TOM1L1: variants seen among roughly 807,000 people sequenced by gnomAD.
TOM1L1 encodes the protein target of myb1 like 1 membrane trafficking protein.
In TOM1L1, 64 loss-of-function variants were observed where a neutral mutation model predicts 63.4. The ratio of observed to expected loss-of-function variants is 1.01; its 90% CI spans 0.83 to 1.24. TOM1L1 has a LOEUF of 1.24. Among genes scored for constraint, TOM1L1 ranks in the 50% most tolerant of loss-of-function variants. TOM1L1 has a pLI of 0.00. For missense variants in TOM1L1, 536 were observed against 567.0 expected (o/e 0.95, Z 0.55); for synonymous variants, 166 against 194.4 (o/e 0.85, Z 1.22).
chr17:54,943,441 GGTGTGTGTGT>G (rs10694555), intron 11 of TOM1L1, among the ~76,000 whole-genome samples: 2,050 of 134,434 alleles, frequency 0.015, 47 homozygotes, highest in African/African-American at 0.053. Flanking sequence ...TTTGTATAAT[GGTGTGTGTGT>G]GTGTGTGTGT....
chr17:54,905,433 A>T, intron 2 of TOM1L1, 56 bp from the exon 3 acceptor site: 1 of 1,187,878 alleles, frequency 8.4e-7, no homozygotes, highest in Non-Finnish European at 1.2e-6. Flanking sequence ...TTTCAGAGAG[A>T]CTGCTTGTTT....
chr17:54,906,142 C>A (rs1226798586), intron 3 of TOM1L1, among the ~76,000 whole-genome samples: 1 of 151,692 alleles, frequency 6.6e-6, no homozygotes, highest in African/African-American at 2.4e-5. Flanking sequence ...TGCAACTCAG[C>A]CTGAGTGATA....
At chr17:54,939,696 A>G (rs1038966685) in intron 11 of TOM1L1, among the ~76,000 whole-genome samples, 1 of 152,096 alleles carries the variant, frequency 6.6e-6, no homozygotes, top group Non-Finnish European at 1.5e-5. Flanking sequence ...AGCTGGGACT[A>G]CAGGTGTGCG....
intron 8 of TOM1L1, among the ~76,000 whole-genome samples, chr17:54,933,904 A>T (rs1378428831): frequency 1.3e-5 from 2 of 152,214 alleles, no homozygotes; most frequent in East Asian, 3.8e-4. Flanking sequence ...CCATCTAGAA[A>T]GGTGGGACAA....
intron 7 of TOM1L1, among the ~76,000 whole-genome samples, chr17:54,925,294 A>T (rs2048749837): frequency 6.6e-6 from 1 of 152,224 alleles, no homozygotes; most frequent in African/African-American, 2.4e-5. Flanking sequence ...GCAGACTTGA[A>T]AGCAGGGGTG....
In TOM1L1 at chr17:54,949,627, C is replaced by T. The variant is rs946784027; in HGVS notation, c.1288+4C>T. The T allele has an allele frequency of 1.9e-6, 3 of 1,605,292 alleles. No homozygotes were observed. Among genetic ancestry groups the T allele is most frequent in the Non-Finnish European group, 2.6e-6 (3 of 1,172,044 alleles). On this transcript the variant is annotated splice_donor_region_variant and intron_variant, in intron 13 of 15. Coordinates refer to ENST00000575882, the MANE Select transcript of TOM1L1 (RefSeq NM_005486.3). ...CCTTTGCCCAGCAATCATCCAGGTA[C>T]ATGGGACCTTATTATTCGCATCAAA...
chr17:54,917,493 T>C (rs1412733115), intron 7 of TOM1L1: 1 of 152,200 alleles, frequency 6.6e-6, no homozygotes, highest in Non-Finnish European at 1.5e-5. Flanking sequence ...AATATGTACA[T>C]AATTTTAAAA....
Position 54,938,969 on chromosome 17 carries a change from G to C in TOM1L1, c.1079G>C (p.Ser360Thr). Residue 360 changes from serine to threonine, a missense_variant, in exon 11 of 16, where the codon AGT becomes ACT. Physicochemically the swap from Ser to Thr is moderately conservative, Grantham distance 58. Coordinates refer to ENST00000575882, the MANE Select transcript of TOM1L1 (RefSeq NM_005486.3). ...SSDVTNNLKP[S>T]LHPQMNLLAL... ...GATGTAACAAACAACTTAAAACCCA[G>C]TCTTCATCCACAGATGAACTTGCTA... 1 of 1,612,822 alleles carries C rather than the reference G, an allele frequency of 6.2e-7. No homozygotes were observed. The highest frequency in any genetic ancestry group is 8.5e-7 in the Non-Finnish European group (1 of 1,179,418).
At chr17:54,912,905 A>T (rs1377859580) in intron 4 of TOM1L1, 90 bp downstream of exon 4, 1 of 1,144,132 alleles carries the variant, frequency 8.7e-7, no homozygotes, top group South Asian at 2.9e-5. Flanking sequence ...TATCTTTTAT[A>T]TATCTAGGAT....
intron 8 of TOM1L1, among the ~76,000 whole-genome samples, chr17:54,931,101 A>G (rs1266560541): frequency 1.3e-5 from 2 of 152,074 alleles, no homozygotes; most frequent in South Asian, 4.1e-4. Context: ...TTCTGTTGAG[A>G]ATTACTGGGA....
intron 1 of TOM1L1, 36 bp from the exon 2 acceptor site, chr17:54,903,672 T>G (rs1196313448): frequency 6.4e-7 from 1 of 1,569,794 alleles, no homozygotes; most frequent in Middle Eastern, 1.7e-4. Context: ...TTTTTTATTC[T>G]GTTGTAGCTC....
rs747060155 is a variant in TOM1L1, at chr17:54,903,771, T to C, written c.122T>C (p.Ile41Thr). 3.1e-6 allele frequency: 5 copies of C among 1,614,088 alleles called. No homozygotes were observed. The highest frequency in any genetic ancestry group is 4.2e-6 in the Non-Finnish European group (5 of 1,180,018). Reference protein sequence around the residue: ...DWGQFMHICDIINTTQDGPKD... With the variant: ...DWGQFMHICDTINTTQDGPKD... The stretch of plus-strand genomic sequence containing the variant: ...GGCCAGTTCATGCACATCTGTGACA[T>C]AATTAACACTACCCAGGATGGGTGA... The change falls in exon 2 of 16, where the codon ATA becomes ACA. Residue 41 changes from isoleucine (I) to threonine (T), a missense_variant. By Grantham distance (89) the Ile-to-Thr change is moderately conservative. Coordinates refer to ENST00000575882, the MANE Select transcript of TOM1L1 (RefSeq NM_005486.3).
intron 1 of TOM1L1, 133 bp from the exon 2 acceptor site, chr17:54,903,575 A>C: frequency 1.3e-6 from 1 of 765,108 alleles, no homozygotes. Context: ...GAACTGTTCC[A>C]AAAAAAATCA....
At chr17:54,960,654 A>G (rs1275076285) in intron 15 of TOM1L1, 27 bp downstream of exon 15, 1 of 1,463,962 alleles carries the variant, frequency 6.8e-7, no homozygotes, top group Admixed American at 1.7e-5. Flanking sequence ...ATACAACTTA[A>G]TTCCATATTC....
chr17:54,951,300 T>C (rs991788606), intron 14 of TOM1L1, among the ~76,000 whole-genome samples: 23 of 152,026 alleles, frequency 1.5e-4, no homozygotes, highest in Admixed American at 1.3e-3. Flanking sequence ...CTCCCTGGAG[T>C]CCCACCCTCC....
chr17:54,902,926 G>A lies in TOM1L1; in HGVS notation c.59-782G>A, dbSNP rs148168540. ...TTAGTTTAGATGCTTATTATTATTAGTTCGGATAGTTATCCAGCGCCAGTT... is the reference window on the plus strand; with the variant it reads ...TTAGTTTAGATGCTTATTATTATTAATTCGGATAGTTATCCAGCGCCAGTT... On this transcript the variant is annotated intron_variant, in intron 1 of 15. Coordinates refer to ENST00000575882, the MANE Select transcript of TOM1L1 (RefSeq NM_005486.3). 3.0e-3 allele frequency among the ~76,000 whole-genome samples: 458 copies of A among 152,300 alleles called. 2 individuals are homozygous for A. Among genetic ancestry groups the A allele is most frequent in the African/African-American group, 0.01 (430 of 41,546 alleles).
At chr17:54,901,296 T>G in intron 1 of TOM1L1, 2 of 272,410 alleles carry the variant, frequency 7.3e-6, no homozygotes, top group South Asian at 6.8e-5. Context: ...GGTATTGTTA[T>G]GCCCGTTTTA....
chr17:54,916,008 A>G (rs950722934), intron 7 of TOM1L1, 146 bp downstream of exon 7: 1 of 517,224 alleles, frequency 1.9e-6, no homozygotes, highest in African/African-American at 2.0e-5. Context: ...CTTAACAAAA[A>G]TATCCAAGAA....
rs979169257 is a variant in TOM1L1 at position 54,936,654 on chromosome 17, C to T, written c.860C>T (p.Thr287Ile). ...CATTTTGATCATTTAAACAGGTTTA[C>T]TAGAAACCAACAAAGGATTTTGGAG... ...NNAILGYERF[T>I]RNQQRILEQN... The change falls in exon 9 of 16, where the codon ACT (threonine) becomes ATT (isoleucine). Residue 287 changes from threonine to isoleucine, a missense_variant. By Grantham distance (89) the Thr-to-Ile change is moderately conservative. Transcript: ENST00000575882. 6.9e-6 allele frequency: 11 copies of T among 1,604,256 alleles called. No homozygotes were observed. The highest frequency in any genetic ancestry group is 8.5e-6 in the Non-Finnish European group (10 of 1,177,248).
Sources: gnomAD v4.1 joint callset for allele counts (sites outside exome capture counted in the v4.1 genomes callset) on GRCh38, gnomAD v4.1.1 for gene constraint, MANE v1.5 for transcripts, NCBI Gene and HGNC (gene_info 2026-07-23, HGNC 2026-07-21) for gene names.